Variants in FAT2 observed in about 807,000 individuals in gnomAD.
The protein encoded by FAT2 is protocadherin Fat 2.
Under a neutral mutation model 295.3 loss-of-function variants are expected in FAT2, and 150 were observed. The observed-to-expected ratio is 0.51, with a 90% confidence interval of 0.44 to 0.58. FAT2 has a LOEUF of 0.58. Among genes scored for constraint, FAT2 ranks in the 20% least tolerant of loss-of-function variants. FAT2 has a pLI of 0.00. For synonymous variants in FAT2, 2,026 were observed against 2,150.3 expected (o/e 0.94, Z 1.60); for missense variants, 4,868 against 5,442.7 (o/e 0.89, Z 3.32).
intron 3 of FAT2, among the ~76,000 whole-genome samples, chr5:151,561,838 T>A (rs2127640122): frequency 6.6e-6 from 1 of 152,350 alleles, no homozygotes; most frequent in South Asian, 2.1e-4. Flanking sequence ...TTATAAAGAT[T>A]TCTTCCTTTC....
Position 151,542,726 on chromosome 5 carries a change from G to A in FAT2, c.8401C>T (p.Pro2801Ser), listed in dbSNP as rs1412809294. 1.2e-6 allele frequency: 2 copies of A among 1,614,118 alleles called. No homozygotes were observed. The highest frequency in any genetic ancestry group is 1.7e-6 in the Non-Finnish European group (2 of 1,180,048). ...NDNRPVFEAD[P>S]YKAVLTENMP... is the part of the protein sequence containing the mutation. Reference sequence around the variant, plus strand: ...TTCTCAGTGAGGACAGCCTTATATGGATCAGCCTCAAATACAGGCCTATTG... The same window carrying A: ...TTCTCAGTGAGGACAGCCTTATATGAATCAGCCTCAAATACAGGCCTATTG... Residue 2801 changes from proline (P) to serine (S), a missense_variant, in exon 10 of 24, where the codon CCA becomes TCA. Pro to Ser is a moderately conservative substitution (Grantham distance 74). Coordinates refer to ENST00000261800, the MANE Select transcript of FAT2 (RefSeq NM_001447.3).
rs2127630215 is a variant in FAT2, at chr5:151,554,377, C to T, written c.3930G>A (p.Glu1310=). ...GTCTGCTCACCGTTAGGATGTTGTA[C>T]TCTCCAGCTGTAAAAGTGCTGCTGG... ...VSSSSTFTAG[E]YNILTIKATD... Residue 1310 remains glutamate, a synonymous_variant, in exon 5 of 24, where the codon GAG becomes GAA. Transcript: ENST00000261800. 1 of 1,613,990 alleles carries T rather than the reference C, an allele frequency of 6.2e-7. No individual in the cohort carries two copies. Among genetic ancestry groups the T allele is most frequent in the Non-Finnish European group, 8.5e-7 (1 of 1,179,894 alleles).
chr5:151,510,178 G>A lies in FAT2; in HGVS notation c.11906-4C>T. ...GGGGGACATTTGCAGACATAGCCTA[G>A]GAGAAAAAGAAGGGAGGTGAGAGAC... is the stretch of plus-strand genomic sequence containing the variant. On this transcript the variant is annotated splice_region_variant and splice_polypyrimidine_tract_variant and intron_variant, in intron 21 of 23. Transcript: ENST00000261800. 1 of 1,613,892 alleles carries A rather than the reference G, an allele frequency of 6.2e-7. No homozygotes were observed. The highest frequency in any genetic ancestry group is 8.5e-7 in the Non-Finnish European group (1 of 1,179,894).
At chr5:151,593,465 C>G (rs907710583), upstream of FAT2, among the ~76,000 whole-genome samples, 2 of 152,174 alleles carry the variant, frequency 1.3e-5, no homozygotes, top group Non-Finnish European at 2.9e-5. Flanking sequence ...CTGACCCACT[C>G]CTGGTCCTTC....
At position 151,568,636 on chromosome 5, in the gene FAT2, G is replaced by T. The variant is rs773073059; in HGVS notation, c.296C>A (p.Thr99Lys). ...CAGAAGAGCTGTGTTGCTGCTCTTT[G>T]TCCTTATTCTTAGGAAGCAGAAGTT... ...VGNFCFLRIR[T>K]KSSNTALLNR... The change falls in exon 2 of 24, where the codon ACA becomes AAA. Residue 99 changes from threonine (T) to lysine (K), a missense_variant. Transcript: ENST00000261800. 2 of 1,614,160 alleles carry T rather than the reference G, an allele frequency of 1.2e-6. No homozygotes were observed. Among genetic ancestry groups the T allele is most frequent in the South Asian group, 1.1e-5 (1 of 91,074 alleles).
In FAT2 at chr5:151,551,529, T is replaced by C; in HGVS notation, c.4234A>G (p.Arg1412Gly). ...ACAGTCAAGTTATAGTTCGACCTTC[T>C]CCTGGTATCAAGAGGCCTGGCAATG... ...IVIARPLDTR[R>G]RSNYNLTVEV... Residue 1412 changes from arginine to glycine, a missense_variant, in exon 7 of 24, where the codon AGA becomes GGA. Physicochemically the swap from Arg to Gly is moderately radical, Grantham distance 125. Around this residue, in one of 5 missense-constraint regions of FAT2, gnomAD observed 3,297 missense variants for 3,669.4 expected, o/e 0.90. Transcript: ENST00000261800. 1 of 1,614,190 alleles carries C rather than the reference T, an allele frequency of 6.2e-7. No individual in the cohort carries two copies. The highest frequency in any genetic ancestry group is 8.5e-7 in the Non-Finnish European group (1 of 1,180,008).
intron 6 of FAT2, 31 bp downstream of exon 6, chr5:151,553,146 G>A: frequency 1.9e-6 from 3 of 1,603,022 alleles, no homozygotes; most frequent in Non-Finnish European, 2.6e-6. Flanking sequence ...GGGAGGGGTT[G>A]GCCCTTGTTG....
intron 3 of FAT2, among the ~76,000 whole-genome samples, chr5:151,559,718 C>T (rs1222882181): frequency 6.6e-6 from 1 of 151,990 alleles, no homozygotes; most frequent in Admixed American, 6.6e-5. Context: ...CTACTTCTGC[C>T]TCTCACCACT....
rs759653496 is a variant in FAT2 at position 151,567,360 on chromosome 5, G to A, written c.1572C>T (p.Leu524=). 1.9e-6 allele frequency: 3 copies of A among 1,614,116 alleles called. No individual in the cohort carries two copies. Among genetic ancestry groups the A allele is most frequent in the African/African-American group, 2.7e-5 (2 of 74,932 alleles). Residue 524 remains leucine, a synonymous_variant, in exon 2 of 24, where the codon CTC becomes CTT. Transcript: ENST00000261800. ...CCCGGAAGGTATAAATTCTTTTCAT[G>A]AGTTCATAGTCCATGGGTTTGGAGG... is the stretch of plus-strand genomic sequence containing the variant. ...ISTSKPMDYE[L]MKRIYTFRVR...
chr5:151,586,170 T>C (rs1367994516), intron 1 of FAT2, among the ~76,000 whole-genome samples: 1 of 152,246 alleles, frequency 6.6e-6, no homozygotes, highest in African/African-American at 2.4e-5. Flanking sequence ...GCTCTGACAC[T>C]GGACACGTGA....
At chr5:151,589,861 C>A (rs1306211496) in intron 1 of FAT2, among the ~76,000 whole-genome samples, 1 of 152,114 alleles carries the variant, frequency 6.6e-6, no homozygotes. Context: ...CCACTGCATT[C>A]CAGCCTGGGT....
chr5:151,515,223 A>G (rs1020453471), intron 20 of FAT2, among the ~76,000 whole-genome samples: 2 of 151,994 alleles, frequency 1.3e-5, no homozygotes, highest in Non-Finnish European at 2.9e-5. Flanking sequence ...CCTGCATACA[A>G]TACTCCCTGG....
intron 1 of FAT2, 45 bp from the exon 2 acceptor site, chr5:151,568,996 T>TG: frequency 1.3e-6 from 2 of 1,498,166 alleles, no homozygotes; most frequent in Non-Finnish European, 1.8e-6. Context: ...GGGGAAAAAA[T>TG]GGTTTCTACT....
chr5:151,508,375 C>T (rs576556399), intron 22 of FAT2, among the ~76,000 whole-genome samples: 4 of 152,180 alleles, frequency 2.6e-5, no homozygotes, highest in East Asian at 1.9e-4. Flanking sequence ...ATAGCATTCC[C>T]GACTGCAAAG....
intron 4 of FAT2, among the ~76,000 whole-genome samples, chr5:151,555,446 C>G (rs1757610287): frequency 6.7e-6 from 1 of 148,766 alleles, no homozygotes; most frequent in Non-Finnish European, 1.5e-5. Flanking sequence ...TCTCAGCTCA[C>G]TGCAACCTCC....
In FAT2 at chr5:151,565,986, A is replaced by G; in HGVS notation, c.2946T>C (p.Ile982=). 6.2e-7 allele frequency: 1 copy of G among 1,614,084 alleles called. No homozygotes were observed. Among genetic ancestry groups the G allele is most frequent in the Non-Finnish European group, 8.5e-7 (1 of 1,180,026 alleles). ...TCTCAAAGTCCAGCTCTCTCTCCAG[A>G]ATGAGCGCCCCTGTCATCAGGTCCA... ...FRVDLMTGAL[I]LERELDFERR... Residue 982 remains isoleucine (I), a synonymous_variant, in exon 2 of 24, where the codon ATT becomes ATC. Coordinates refer to ENST00000261800, the MANE Select transcript of FAT2 (RefSeq NM_001447.3).
intron 13 of FAT2, among the ~76,000 whole-genome samples, chr5:151,532,775 G>GCT (rs1275157513): frequency 4.6e-5 from 7 of 152,278 alleles, no homozygotes; most frequent in Non-Finnish European, 1.0e-4. Flanking sequence ...AACATTTAAG[G>GCT]CTCGGCTGTG....
intron 20 of FAT2, among the ~76,000 whole-genome samples, chr5:151,516,247 T>C (rs757810475): frequency 6.6e-6 from 1 of 152,228 alleles, no homozygotes; most frequent in Non-Finnish European, 1.5e-5. Context: ...ATGTGTTTCA[T>C]GCCTATAATC....
In FAT2 at chr5:151,549,453, T is replaced by A. The variant is rs1300709772; in HGVS notation, c.4631A>T (p.His1544Leu). ...TGGGTGGAGGTTTCCATCCTCCACA[T>A]GAATGGTCACCCACACGAAGTTCCT... ...IKRNFVWVTI[H>L]VEDGNLHPPR... The change falls in exon 9 of 24, where the codon CAT becomes CTT. Residue 1544 changes from histidine (H) to leucine (L), a missense_variant. Around this residue, in one of 5 missense-constraint regions of FAT2, gnomAD observed 3,297 missense variants for 3,669.4 expected, o/e 0.90. Coordinates refer to ENST00000261800, the MANE Select transcript of FAT2 (RefSeq NM_001447.3). 1 of 1,614,160 alleles carries A rather than the reference T, an allele frequency of 6.2e-7. No homozygotes were observed. Among genetic ancestry groups the A allele is most frequent in the East Asian group, 2.2e-5 (1 of 44,882 alleles).
Sources: allele counts gnomAD v4.1 joint callset (sites outside exome capture counted in the v4.1 genomes callset), GRCh38; gene constraint gnomAD v4.1.1; regional missense constraint gnomAD v4.1.1; transcripts MANE v1.5; gene names NCBI Gene and HGNC (gene_info 2026-07-23, HGNC 2026-07-21).